ULK2: variants seen among roughly 807,000 people sequenced by gnomAD.
ULK2 encodes unc-51 like autophagy activating kinase 2.
A neutral mutation model predicts 127.5 loss-of-function variants in ULK2; 76 were observed. The observed-to-expected ratio is 0.60, with a 90% CI of 0.50 to 0.72. ULK2 has a LOEUF of 0.72. ULK2 is among the 30% of genes least tolerant of loss of function. ULK2 has a pLI of 0.00. For synonymous variants in ULK2, 452 were observed against 461.9 expected (o/e 0.98, Z 0.28); for missense variants, 1,144 against 1,295.9 (o/e 0.88, Z 1.80).
chr17:19,851,830 G>A (rs951194421), intron 3 of ULK2, among the ~76,000 whole-genome samples: 6 of 151,604 alleles, frequency 4.0e-5, no homozygotes, highest in East Asian at 3.9e-4. Context: ...TCGAGACCTC[G>A]ATGTCAGGAG....
chr17:19,837,976 CAA>C (rs2041638246), intron 10 of ULK2, among the ~76,000 whole-genome samples: 1 of 152,184 alleles, frequency 6.6e-6, no homozygotes, highest in East Asian at 1.9e-4. Flanking sequence ...TGGAAAAGCC[CAA>C]GTCTTCAACT....
At chr17:19,860,534 T>C (rs1353749411) in intron 3 of ULK2, among the ~76,000 whole-genome samples, 1 of 151,852 alleles carries the variant, frequency 6.6e-6, no homozygotes, top group Admixed American at 6.6e-5. Context: ...CTTTTTTTTT[T>C]TTTTTTTGAG....
chr17:19,864,687 T>C, intron 3 of ULK2, 116 bp downstream of exon 3: 1 of 355,084 alleles, frequency 2.8e-6, no homozygotes. Flanking sequence ...TAACTCAAGC[T>C]ATGCATCTTT....
intron 5 of ULK2, among the ~76,000 whole-genome samples, chr17:19,848,561 G>A (rs775751627): frequency 1.1e-4 from 16 of 152,162 alleles, no homozygotes; most frequent in South Asian, 2.1e-4. Flanking sequence ...GGCCGATCAC[G>A]AGGTCAGGAG....
chr17:19,815,264 T>G (rs754609527), intron 13 of ULK2, among the ~76,000 whole-genome samples: 3 of 151,988 alleles, frequency 2.0e-5, no homozygotes, highest in Non-Finnish European at 4.4e-5. Context: ...TTGTTTGTTT[T>G]TTTGTTTGTT....
chr17:19,843,077 G>T, intron 8 of ULK2, 44 bp downstream of exon 8: 3 of 1,440,130 alleles, frequency 2.1e-6, no homozygotes, highest in South Asian at 2.3e-5. Flanking sequence ...ACTATAAAAT[G>T]ACAAGATCCC....
intron 20 of ULK2, among the ~76,000 whole-genome samples, chr17:19,788,558 A>G (rs575537230): frequency 6.6e-6 from 1 of 151,888 alleles, no homozygotes; most frequent in East Asian, 2.0e-4. Context: ...TGAATAACCA[A>G]TAATACTACC....
intron 3 of ULK2, among the ~76,000 whole-genome samples, chr17:19,863,323 ACCTT>A (rs1372937606): frequency 3.3e-5 from 5 of 152,160 alleles, no homozygotes; most frequent in Non-Finnish European, 7.3e-5. Flanking sequence ...ATATACATTT[ACCTT>A]ACCCGAATTC....
intron 20 of ULK2, among the ~76,000 whole-genome samples, chr17:19,794,752 T>C (rs2087229123): frequency 6.7e-6 from 1 of 149,434 alleles, no homozygotes; most frequent in African/African-American, 2.5e-5. Flanking sequence ...GAGATTACAA[T>C]AGTGATTCTC....
chr17:19,803,810 C>T (rs887385264), intron 15 of ULK2, among the ~76,000 whole-genome samples: 4 of 152,252 alleles, frequency 2.6e-5, no homozygotes, highest in African/African-American at 9.6e-5. Context: ...CAATTTCATA[C>T]ACAGGAGAGG....
chr17:19,792,004 GAA>G (rs1392399543), intron 20 of ULK2, among the ~76,000 whole-genome samples: 2 of 151,960 alleles, frequency 1.3e-5, no homozygotes, highest in Non-Finnish European at 2.9e-5. Flanking sequence ...ATGGAGAAAG[GAA>G]ATTGAAAAAT....
intron 9 of ULK2, chr17:19,840,391 T>C: frequency 1.9e-6 from 1 of 519,264 alleles, no homozygotes. Flanking sequence ...AACTCACTCT[T>C]GGGCGCTCTG....
chr17:19,829,291 T>C (rs537694939), intron 10 of ULK2, among the ~76,000 whole-genome samples: 95 of 152,238 alleles, frequency 6.2e-4, no homozygotes, highest in Non-Finnish European at 8.4e-4. Flanking sequence ...ATCCTAGCAC[T>C]TGGGAGGCCC....
At chr17:19,784,513 CTTTTTTTTTTTTT>C (rs563736244) in intron 21 of ULK2, among the ~76,000 whole-genome samples, 9 of 45,062 alleles carry the variant, frequency 2.0e-4, no homozygotes, top group Admixed American at 4.1e-4. Context: ...GGACATGATA[CTTTTTTTTTTTTT>C]TTTTTTTTTT....
chr17:19,814,438 ATT>A (rs1187090319), intron 13 of ULK2, among the ~76,000 whole-genome samples: 2 of 23,324 alleles, frequency 8.6e-5, no homozygotes, highest in South Asian at 3.4e-3. Flanking sequence ...ATATATATAT[ATT>A]TTTTTTTTTT....
chr17:19,835,578 G>A (rs1281422571), intron 10 of ULK2, among the ~76,000 whole-genome samples: 5 of 150,778 alleles, frequency 3.3e-5, no homozygotes, highest in Admixed American at 6.6e-5. Flanking sequence ...TTAGCCAGGC[G>A]TGGTGGCAGG....
At chr17:19,804,060 ACT>A (rs555530626) in intron 15 of ULK2, among the ~76,000 whole-genome samples, 1 of 151,548 alleles carries the variant, frequency 6.6e-6, no homozygotes, top group African/African-American at 2.4e-5. Flanking sequence ...AATTTACTGA[ACT>A]CTCTCTCTCA....
chr17:19,795,864 A>G, intron 19 of ULK2, 139 bp from the exon 20 acceptor site: 1 of 946,068 alleles, frequency 1.1e-6, no homozygotes, highest in Non-Finnish European at 1.6e-6. Context: ...AATAATACAA[A>G]TAAAGGACAG....
rs567738920 is a variant in ULK2, at chr17:19,867,494, G to A, written c.-77C>T. 8 of 1,158,638 alleles carry A rather than the reference G, an allele frequency of 6.9e-6. No homozygotes were observed. Among genetic ancestry groups the A allele is most frequent in the East Asian group, 3.4e-5 (1 of 29,278 alleles). The allele number at this position is 1,158,638 out of a possible 1,614,324, so 71.8% of individuals were successfully genotyped here. On this transcript the variant is annotated 5_prime_UTR_variant, in exon 1 of 27. Transcript: ENST00000395544. ...AGGTATCAGCACCGCGGCTCCGCGG[G>A]CCCGGAGCGCGCCAGCGTGCGGCGG...
Sources: gnomAD v4.1 joint callset for allele counts (sites outside exome capture counted in the v4.1 genomes callset) on GRCh38, gnomAD v4.1.1 for gene constraint, MANE v1.5 for transcripts, NCBI Gene and HGNC (gene_info 2026-07-23, HGNC 2026-07-21) for gene names.